Variants in XKR9 observed in about 807,000 individuals in gnomAD.
The protein encoded by XKR9 is XK-related protein 9.
A neutral mutation model predicts 32.0 loss-of-function variants in XKR9; 32 were observed. The ratio of observed to expected loss-of-function variants is 1.00; its 90% CI spans 0.76 to 1.34. XKR9 has a LOEUF of 1.34. Among genes scored for constraint, XKR9 ranks in the 40% most tolerant of loss-of-function variants. The probability of loss-of-function intolerance (pLI) is 0.00; values close to 1 mark genes in which losing one functional copy is unlikely to be tolerated. For synonymous variants in XKR9, 168 were observed against 143.4 expected (o/e 1.17, Z -1.22); for missense variants, 546 against 429.7 (o/e 1.27, Z -2.39).
intron 3 of XKR9, among the ~76,000 whole-genome samples, chr8:70,695,888 T>C (rs943596369): frequency 6.6e-6 from 1 of 151,196 alleles, no homozygotes; most frequent in African/African-American, 2.4e-5. Flanking sequence ...TGTGAGATGG[T>C]ATCTCATTGT....
chr8:70,766,612 G>A (rs528086568), intron 2 of XKR9, among the ~76,000 whole-genome samples: 1 of 152,082 alleles, frequency 6.6e-6, no homozygotes, highest in Admixed American at 6.6e-5. Flanking sequence ...TGATTGCCCT[G>A]GCCAGAACTT....
chr8:71,024,492 A>G, the XKR9 span, among the ~76,000 whole-genome samples: 2 of 152,128 alleles, frequency 1.3e-5, no homozygotes, highest in African/African-American at 4.8e-5. Flanking sequence ...GGCAGGATAC[A>G]GTCTAATGTG....
At chr8:70,848,668 C>T in the XKR9 span, among the ~76,000 whole-genome samples, 930 of 151,004 alleles carry the variant, frequency 6.2e-3, 11 homozygotes, top group African/African-American at 0.022. Flanking sequence ...CAAAATCCAT[C>T]GGTGTGCTGT....
chr8:70,812,857 G>A, the XKR9 span, among the ~76,000 whole-genome samples: 9 of 152,224 alleles, frequency 5.9e-5, no homozygotes, highest in African/African-American at 9.6e-5. Flanking sequence ...CGTGAAAATG[G>A]CCATACTGCC....
chr8:71,055,289 A>T, the XKR9 span, among the ~76,000 whole-genome samples: 1 of 152,222 alleles, frequency 6.6e-6, no homozygotes, highest in Non-Finnish European at 1.5e-5. Context: ...GAAGTATAGG[A>T]TCATTGGTTG....
downstream of XKR9, among the ~76,000 whole-genome samples, chr8:70,794,987 T>C (rs1414811000): frequency 6.6e-6 from 1 of 152,130 alleles, no homozygotes; most frequent in Non-Finnish European, 1.5e-5. Flanking sequence ...TTTATTATTA[T>C]TTTTAATTTA....
chr8:71,017,251 A>G, the XKR9 span, among the ~76,000 whole-genome samples: 1 of 152,216 alleles, frequency 6.6e-6, no homozygotes, highest in Admixed American at 6.5e-5. Flanking sequence ...TGTAGAGGGT[A>G]TCATTTATAG....
chr8:70,818,236 A>T, the XKR9 span, among the ~76,000 whole-genome samples: 9 of 149,584 alleles, frequency 6.0e-5, no homozygotes, highest in Admixed American at 2.7e-4. Context: ...TATCTCTTTT[A>T]TCGTTCTTCA....
intron 2 of XKR9, among the ~76,000 whole-genome samples, chr8:70,753,204 C>G (rs1414640766): frequency 6.6e-6 from 1 of 152,082 alleles, no homozygotes; most frequent in East Asian, 1.9e-4. Flanking sequence ...ACCCTCCCAA[C>G]ACTAACCCAG....
At chr8:71,032,718 A>C in the XKR9 span, among the ~76,000 whole-genome samples, 6 of 152,324 alleles carry the variant, frequency 3.9e-5, no homozygotes, top group South Asian at 1.2e-3. Flanking sequence ...AAAGCACTTC[A>C]TATGAAAGTG....
the XKR9 span, among the ~76,000 whole-genome samples, chr8:70,968,755 C>T: frequency 6.6e-6 from 1 of 152,124 alleles, no homozygotes; most frequent in Non-Finnish European, 1.5e-5. Context: ...TGGTCCCTCC[C>T]GTACCTGGAG....
chr8:70,993,216 G>A, the XKR9 span, among the ~76,000 whole-genome samples: 2,847 of 152,190 alleles, frequency 0.019, 76 homozygotes, highest in African/African-American at 0.066. Context: ...TAGCACAGCC[G>A]GTCTGTGTCC....
chr8:70,848,607 G>A, the XKR9 span, among the ~76,000 whole-genome samples: 1,208 of 151,924 alleles, frequency 8.0e-3, 30 homozygotes, highest in African/African-American at 0.027. Context: ...ATACAAAATT[G>A]TCATGCAAAA....
chr8:70,712,732 C>T (rs1322646247), intron 4 of XKR9, among the ~76,000 whole-genome samples: 1 of 152,030 alleles, frequency 6.6e-6, no homozygotes, highest in East Asian at 1.9e-4. Flanking sequence ...CCCTGCAAAA[C>T]AAAGAAACAA....
At chr8:70,809,541 C>G in the XKR9 span, among the ~76,000 whole-genome samples, 1 of 152,038 alleles carries the variant, frequency 6.6e-6, no homozygotes, top group Non-Finnish European at 1.5e-5. Context: ...AGTTAAAAAC[C>G]TTGAAAAAAG....
At chr8:70,760,191 C>G (rs945012919) in intron 2 of XKR9, among the ~76,000 whole-genome samples, 2 of 152,100 alleles carry the variant, frequency 1.3e-5, no homozygotes, top group Non-Finnish European at 2.9e-5. Context: ...TTTACCCATT[C>G]TTATTCAGTT....
Position 70,710,740 on chromosome 8 carries a change from CAA to C in XKR9, c.493+3592_493+3593del, listed in dbSNP as rs1805888534. On this transcript the variant is annotated intron_variant, in intron 4 of 4. Coordinates refer to ENST00000408926, the MANE Select transcript of XKR9 (RefSeq NM_001011720.2). ...ACAACAACAAAAACAAATAAACAAA[CAA>C]AAAACAAAAGCAATTGCAACAAAAA... Among the ~76,000 whole-genome samples, 4 of 151,374 alleles carry C rather than the reference CAA, an allele frequency of 2.6e-5. No homozygotes were observed. In the South Asian group the frequency reaches 8.3e-4, roughly 32 times the overall value.
At chr8:71,037,363 A>G in the XKR9 span, among the ~76,000 whole-genome samples, 1 of 152,190 alleles carries the variant, frequency 6.6e-6, no homozygotes, top group Non-Finnish European at 1.5e-5. Context: ...TGAAGTCCAA[A>G]TAGGTCAAAG....
chr8:71,032,340 C>T, the XKR9 span, among the ~76,000 whole-genome samples: 1 of 146,180 alleles, frequency 6.8e-6, no homozygotes, highest in Admixed American at 6.9e-5. Flanking sequence ...TTCTAAGATG[C>T]TAAATTTTGC....
Sources: allele counts gnomAD v4.1 joint callset (sites outside exome capture counted in the v4.1 genomes callset), GRCh38; gene constraint gnomAD v4.1.1; transcripts MANE v1.5; gene names NCBI Gene and HGNC (gene_info 2026-07-23, HGNC 2026-07-21).